DLG2: variants seen among roughly 807,000 people sequenced by gnomAD.
DLG2 encodes the protein discs large MAGUK scaffold protein 2, also known as disks large homolog 2.
A neutral mutation model predicts 132.5 loss-of-function variants in DLG2; 45 were observed. The ratio of observed to expected loss-of-function variants is 0.34; its 90% confidence interval spans 0.27 to 0.44. The LOEUF (loss-of-function observed/expected upper bound fraction) is 0.44, where lower values mean the gene tolerates loss of function less well. DLG2 is among the 20% of genes least tolerant of loss of function. The pLI, the probability that DLG2 is intolerant of heterozygous loss-of-function variation, is 1.00. For synonymous variants in DLG2, 424 were observed against 419.6 expected, an observed-to-expected ratio of 1.01 and a Z score of -0.13; for missense variants, 1,045 against 1,196.9, an observed-to-expected ratio of 0.87 and a Z score of 1.87.
chr11:85,167,182 G>T (rs995649431), intron 4 of DLG2, among the ~76,000 whole-genome samples: 11 of 152,070 alleles, frequency 7.2e-5, no homozygotes, highest in African/African-American at 2.7e-4. Flanking sequence ...CCAGGTCACT[G>T]GGAAGCACTG....
chr11:83,881,221 G>A (rs965231812), intron 15 of DLG2, among the ~76,000 whole-genome samples: 3 of 151,994 alleles, frequency 2.0e-5, no homozygotes, highest in Non-Finnish European at 4.4e-5. Flanking sequence ...AAGATAACAT[G>A]GACTTTTACA....
At chr11:84,541,923 A>G (rs2099373294) in intron 6 of DLG2, among the ~76,000 whole-genome samples, 1 of 152,126 alleles carries the variant, frequency 6.6e-6, no homozygotes, top group Non-Finnish European at 1.5e-5. Flanking sequence ...AGAATTTAAA[A>G]ACGGAATCTT....
At chr11:83,651,518 G>T in intron 18 of DLG2, 1 of 169,218 alleles carries the variant, frequency 5.9e-6, no homozygotes, top group Non-Finnish European at 1.3e-5. Flanking sequence ...TGTATTCAGG[G>T]TTTGGCAAGA....
intron 6 of DLG2, among the ~76,000 whole-genome samples, chr11:85,001,422 T>C (rs368605734): frequency 1.3e-5 from 2 of 152,146 alleles, no homozygotes; most frequent in South Asian, 2.1e-4. Flanking sequence ...ATGATGAGAA[T>C]GAGGTAAGCA....
At chr11:84,299,619 G>C (rs549720094) in intron 7 of DLG2, among the ~76,000 whole-genome samples, 1 of 152,220 alleles carries the variant, frequency 6.6e-6, no homozygotes, top group South Asian at 2.1e-4. Flanking sequence ...TAGACTGAAG[G>C]CTCTGAGTGA....
intron 6 of DLG2, among the ~76,000 whole-genome samples, chr11:85,027,173 C>CTTTTT (rs10571202): frequency 1.0e-4 from 7 of 69,366 alleles, no homozygotes; most frequent in Admixed American, 1.9e-4. Flanking sequence ...AGTGTGGTCT[C>CTTTTT]TTTTTTTTTT....
At chr11:83,544,563 G>C (rs1319913694) in intron 19 of DLG2, among the ~76,000 whole-genome samples, 1 of 152,090 alleles carries the variant, frequency 6.6e-6, no homozygotes, top group African/African-American at 2.4e-5. Context: ...TCCAAGTCTA[G>C]TTCAGTGCTC....
chr11:84,313,641 AAAAGAAAGAAAG>A lies in DLG2; in HGVS notation c.520-62362_520-62351del, dbSNP rs201928030. Among the ~76,000 whole-genome samples, 970 of 129,282 alleles carry A rather than the reference AAAAGAAAGAAAG, an allele frequency of 7.5e-3. 13 individuals are homozygous for A. The highest frequency in any genetic ancestry group is 0.022 in the African/African-American group (722 of 33,272). The allele number at this position is 129,282 out of a possible 152,430, so 84.8% of individuals were successfully genotyped here. A position where few individuals can be genotyped will look rare whatever the true frequency, so the allele number is the denominator to read the frequency against. On this transcript the variant is annotated intron_variant, in intron 7 of 27. Transcript: ENST00000376104. ...AAAAGAAAAAGAAAGGAAAGAGAGA[AAAAGAAAGAAAG>A]AAAGAAAGAAAGAAAGAAAGAAAGA...
intron 16 of DLG2, among the ~76,000 whole-genome samples, chr11:83,840,031 C>T (rs541127133): frequency 1.3e-5 from 2 of 152,332 alleles, no homozygotes; most frequent in South Asian, 4.1e-4. Context: ...TCTCCAGGCA[C>T]CCTATGTTCC....
At chr11:85,010,401 G>C (rs1348391594) in intron 6 of DLG2, among the ~76,000 whole-genome samples, 1 of 152,026 alleles carries the variant, frequency 6.6e-6, no homozygotes, top group Non-Finnish European at 1.5e-5. Context: ...AAATAGCACA[G>C]TTTGTTCAGT....
chr11:84,198,824 A>G (rs2096556657), intron 8 of DLG2, among the ~76,000 whole-genome samples: 1 of 152,178 alleles, frequency 6.6e-6, no homozygotes, highest in South Asian at 2.1e-4. Context: ...AACACCAAGA[A>G]AATCTAGAGA....
intron 6 of DLG2, among the ~76,000 whole-genome samples, chr11:85,036,869 G>C (rs1421478166): frequency 6.6e-6 from 1 of 152,162 alleles, no homozygotes; most frequent in African/African-American, 2.4e-5. Flanking sequence ...TTCTGGGGAG[G>C]AGGGAGTGCT....
At chr11:84,069,352 C>T (rs1399895182) in intron 10 of DLG2, among the ~76,000 whole-genome samples, 2 of 152,138 alleles carry the variant, frequency 1.3e-5, no homozygotes, top group Non-Finnish European at 2.9e-5. Context: ...AAACCCAACC[C>T]CTCTATTTGC....
intron 6 of DLG2, among the ~76,000 whole-genome samples, chr11:85,058,729 A>C (rs1355698325): frequency 6.6e-6 from 1 of 151,540 alleles, no homozygotes; most frequent in East Asian, 1.9e-4. Flanking sequence ...CACTGATATA[A>C]GGTTACTTAA....
At chr11:85,420,414 G>C (rs2090198005) in intron 3 of DLG2, among the ~76,000 whole-genome samples, 1 of 152,140 alleles carries the variant, frequency 6.6e-6, no homozygotes, top group African/African-American at 2.4e-5. Flanking sequence ...TTGGGGGTCA[G>C]GGACCCACTC....
At chr11:84,053,286 G>T (rs1354709380) in intron 11 of DLG2, among the ~76,000 whole-genome samples, 1 of 151,938 alleles carries the variant, frequency 6.6e-6, no homozygotes, top group Non-Finnish European at 1.5e-5. Context: ...GAGGAAGGGA[G>T]AGCATCAGGT....
intron 4 of DLG2, among the ~76,000 whole-genome samples, chr11:85,265,437 A>T (rs1042881273): frequency 6.6e-6 from 1 of 152,194 alleles, no homozygotes; most frequent in Non-Finnish European, 1.5e-5. Flanking sequence ...GGGAAACAGA[A>T]TTCCTACTTT....
intron 3 of DLG2, among the ~76,000 whole-genome samples, chr11:85,291,948 C>G (rs1207396235): frequency 6.6e-6 from 1 of 152,124 alleles, no homozygotes; most frequent in African/African-American, 2.4e-5. Flanking sequence ...ATATGCCTTA[C>G]GCTTCCTCCA....
intron 10 of DLG2, among the ~76,000 whole-genome samples, chr11:84,095,508 C>T (rs894119424): frequency 6.6e-6 from 1 of 152,194 alleles, no homozygotes; most frequent in Admixed American, 6.5e-5. Context: ...ACATACTCCT[C>T]ATGGCTTGTT....
Sources: allele counts gnomAD v4.1 joint callset (sites outside exome capture counted in the v4.1 genomes callset), GRCh38; gene constraint gnomAD v4.1.1; transcripts MANE v1.5; gene names NCBI Gene and HGNC (gene_info 2026-07-23, HGNC 2026-07-21).